DENND11: variants seen among roughly 807,000 people sequenced by gnomAD.
DENND11 encodes the protein DENN domain-containing protein 11.
A neutral mutation model predicts 49.2 loss-of-function variants in DENND11; 34 were observed. That is an observed-to-expected ratio of 0.69 (90% CI 0.53 to 0.92). The LOEUF (loss-of-function observed/expected upper bound fraction) is 0.92. Among genes scored for constraint, DENND11 ranks in the 40% least tolerant of loss-of-function variants. The probability of loss-of-function intolerance (pLI) is 0.00; values close to 1 mark genes in which losing one functional copy is unlikely to be tolerated. For synonymous variants in DENND11, 238 were observed against 230.3 expected (o/e 1.03, Z -0.30); for missense variants, 475 against 581.6 (o/e 0.82, Z 1.88).
intron 4 of DENND11, among the ~76,000 whole-genome samples, chr7:141,668,542 C>T (rs1420378785): frequency 6.6e-6 from 1 of 152,220 alleles, no homozygotes; most frequent in Non-Finnish European, 1.5e-5. Flanking sequence ...GTTGAGATCA[C>T]ACCACTGCCC....
chr7:141,685,052 A>G (rs1354823757), intron 3 of DENND11, among the ~76,000 whole-genome samples: 1 of 138,626 alleles, frequency 7.2e-6, no homozygotes, highest in Non-Finnish European at 1.6e-5. Flanking sequence ...ATATATATAT[A>G]TATATATTTT....
At chr7:141,689,853 G>C (rs1360204629) in intron 1 of DENND11, among the ~76,000 whole-genome samples, 1 of 152,200 alleles carries the variant, frequency 6.6e-6, no homozygotes, top group Non-Finnish European at 1.5e-5. Context: ...TGTAGCAACA[G>C]TTTGTTCATC....
rs1797862593 is a variant in DENND11, at chr7:141,664,837, G to A, written c.1103+67C>T. The A allele has an allele frequency of 1.7e-5, 26 of 1,501,754 alleles. 1 individual carries two copies. The South Asian group carries it at 2.9e-4, about 17-fold the overall frequency. 93.0% of individuals were successfully genotyped at this position (1,501,754 alleles called of 1,614,324 possible). A position where few individuals can be genotyped will look rare whatever the true frequency, so the allele number is the denominator to read the frequency against. ...GAAGGGGCAGAAGACAGGCTTTGCA[G>A]AGACCCCCATGCTGGAGCTGCCCTG... On this transcript the variant is annotated intron_variant, in intron 7 of 8. Transcript: ENST00000536163.
At position 141,676,105 on chromosome 7, in the gene DENND11, ACAAAGGCAATTATGTT is replaced by A. The variant is rs1396393936; in HGVS notation, c.528-1901_528-1886del. 2.2e-4 allele frequency among the ~76,000 whole-genome samples: 33 copies of A among 152,358 alleles called. No homozygotes were observed. The East Asian group carries it at 3.3e-3, about 15-fold the overall frequency. On this transcript the variant is annotated intron_variant, in intron 3 of 8. Coordinates refer to ENST00000536163, the MANE Select transcript of DENND11 (RefSeq NM_001080392.2). ...GAAAGTCTGATTCACAGAAAATCATACAAAGGCAATTATGTTCAAAGGTGTTTTTATTAGGATGGAA... is the reference window on the plus strand; with the variant it reads ...GAAAGTCTGATTCACAGAAAATCATACAAAGGTGTTTTTATTAGGATGGAA...
intron 1 of DENND11, among the ~76,000 whole-genome samples, chr7:141,700,195 T>C (rs139749816): frequency 2.0e-3 from 303 of 152,368 alleles, no homozygotes; most frequent in Middle Eastern, 6.8e-3. Context: ...GTGCCCTTTC[T>C]ATTCCTTCTA....
intron 1 of DENND11, among the ~76,000 whole-genome samples, chr7:141,698,045 T>C (rs574971387): frequency 6.6e-6 from 1 of 152,278 alleles, no homozygotes; most frequent in South Asian, 2.1e-4. Context: ...CAGGAATTTC[T>C]CCCAGACACC....
At chr7:141,673,254 A>C (rs544708955) in intron 4 of DENND11, among the ~76,000 whole-genome samples, 20 of 152,322 alleles carry the variant, frequency 1.3e-4, no homozygotes, top group Middle Eastern at 3.4e-3. Flanking sequence ...AAAAAAAAAA[A>C]AACAAAAAAC....
Position 141,660,309 on chromosome 7 carries a change from T to C in DENND11, c.*2347A>G, listed in dbSNP as rs1017485902. The C allele has an allele frequency of 6.6e-6, 1 of 152,260 alleles. No individual in the cohort carries two copies. Among genetic ancestry groups the C allele is most frequent in the African/African-American group, 2.4e-5 (1 of 41,444 alleles). The allele number at this position is 152,260 out of a possible 1,614,324, so 9.4% of individuals were successfully genotyped here. ...GGGTCAGCTGAGCCCAAGGCCCCTA[T>C]GACCTGAAACATGGCACTGCCTCAC... On this transcript the variant is annotated 3_prime_UTR_variant, in exon 9 of 9. Transcript: ENST00000536163.
At chr7:141,676,674 A>G (rs548068117) in intron 3 of DENND11, among the ~76,000 whole-genome samples, 137 of 152,310 alleles carry the variant, frequency 9.0e-4, no homozygotes, top group Middle Eastern at 6.8e-3. Context: ...TTTTGCAACA[A>G]ACAAGATTGT....
intron 4 of DENND11, among the ~76,000 whole-genome samples, chr7:141,668,949 C>A (rs2117055624): frequency 6.6e-6 from 1 of 152,278 alleles, no homozygotes; most frequent in Non-Finnish European, 1.5e-5. Flanking sequence ...GTCCATACTC[C>A]ATCCTCTTTT....
chr7:141,677,501 GTGTA>G (rs1228863681), intron 3 of DENND11, among the ~76,000 whole-genome samples: 108 of 130,342 alleles, frequency 8.3e-4, no homozygotes, highest in African/African-American at 3.0e-3. Context: ...GTGTGTGTGT[GTGTA>G]TATATATATA....
intron 1 of DENND11, among the ~76,000 whole-genome samples, chr7:141,700,390 A>C (rs774643096): frequency 1.2e-4 from 18 of 151,802 alleles, no homozygotes; most frequent in African/African-American, 1.9e-4. Flanking sequence ...CTCAAATGCG[A>C]GTCAACCAGC....
intron 3 of DENND11, among the ~76,000 whole-genome samples, chr7:141,677,920 T>C (rs1326909095): frequency 1.3e-5 from 2 of 152,110 alleles, no homozygotes; most frequent in Non-Finnish European, 2.9e-5. Context: ...AAGGTTAATA[T>C]ACCAAGTTAC....
chr7:141,685,050 ATATATATATTTT>A (rs1462803397), intron 3 of DENND11, among the ~76,000 whole-genome samples: 4 of 139,954 alleles, frequency 2.9e-5, no homozygotes, highest in African/African-American at 1.1e-4. Flanking sequence ...ATATATATAT[ATATATATATTTT>A]TAAGTTCTCT....
In DENND11 at chr7:141,686,664, G is replaced by A. The variant is rs1315989572; in HGVS notation, c.269-6C>T. ...GCACCATTCTACCATGTTTCCTGCA[G>A]GAAAAGGAAGATGCAAGTTAAAAGA... On this transcript the variant is annotated splice_region_variant and splice_polypyrimidine_tract_variant and intron_variant, in intron 1 of 8. Coordinates refer to ENST00000536163, the MANE Select transcript of DENND11 (RefSeq NM_001080392.2). The A allele has an allele frequency of 6.9e-6, 11 of 1,599,916 alleles. No homozygotes were observed. The Admixed American group carries it at 1.5e-4, about 22-fold the overall frequency.
intron 1 of DENND11, among the ~76,000 whole-genome samples, chr7:141,690,466 A>G (rs550825877): frequency 1.2e-4 from 19 of 152,322 alleles, no homozygotes; most frequent in Admixed American, 1.2e-3. Flanking sequence ...TTCAAACTCC[A>G]ACATCAGATA....
rs1797744893 is a variant in DENND11 at position 141,658,992 on chromosome 7, T to C, written c.*3664A>G. 6.6e-6 allele frequency: 1 copy of C among 152,612 alleles called. No homozygotes were observed. The highest frequency in any genetic ancestry group is 1.5e-5 in the Non-Finnish European group (1 of 68,048). The allele number at this position is 152,612 out of a possible 1,614,324, so 9.5% of individuals were successfully genotyped here. A position where few individuals can be genotyped will look rare whatever the true frequency, so the allele number is the denominator to read the frequency against. On this transcript the variant is annotated 3_prime_UTR_variant, in exon 9 of 9. Coordinates refer to ENST00000536163, the MANE Select transcript of DENND11 (RefSeq NM_001080392.2). ...GCTAAGATTTAATTTATCTTCTAGC[T>C]AAAGTGTCATCGGTAGTCACATGAT... is the stretch of plus-strand genomic sequence containing the variant.
intron 1 of DENND11, among the ~76,000 whole-genome samples, chr7:141,696,006 C>G (rs1798406318): frequency 6.6e-6 from 1 of 152,200 alleles, no homozygotes; most frequent in Non-Finnish European, 1.5e-5. Context: ...TGAGCTCATG[C>G]AAAGGCAAAT....
At chr7:141,664,278 C>T (rs571068777) in intron 7 of DENND11, 38 bp from the exon 8 acceptor site, 3 of 1,526,572 alleles carry the variant, frequency 2.0e-6, no homozygotes, top group South Asian at 1.2e-5. Flanking sequence ...GGTGCAGGTA[C>T]CAGGACCGCA....
Sources: gnomAD v4.1 joint callset for allele counts (sites outside exome capture counted in the v4.1 genomes callset) on GRCh38, gnomAD v4.1.1 for gene constraint, MANE v1.5 for transcripts, NCBI Gene and HGNC (gene_info 2026-07-23, HGNC 2026-07-21) for gene names.